The following TOM1L1 variants were observed in gnomAD, a reference collection of about 807,000 sequenced individuals.
The protein encoded by TOM1L1 is target of myb1 like 1 membrane trafficking protein.
In TOM1L1, 64 loss-of-function variants were observed where a neutral mutation model predicts 63.4. That is an observed-to-expected ratio of 1.01 (90% CI 0.83 to 1.24). TOM1L1 has a LOEUF of 1.24. TOM1L1 is among the 50% of genes most tolerant of loss of function. The pLI is 0.00. For missense variants in TOM1L1, 536 were observed against 567.0 expected (o/e 0.95, Z 0.55); for synonymous variants, 166 against 194.4 (o/e 0.85, Z 1.22).
At chr17:54,928,372 A>C (rs2048802760) in intron 7 of TOM1L1, among the ~76,000 whole-genome samples, 1 of 151,924 alleles carries the variant, frequency 6.6e-6, no homozygotes, top group Non-Finnish European at 1.5e-5. Context: ...AAAACCAAAA[A>C]AAAACAAAAC....
chr17:54,922,269 G>T (rs1286077434), intron 7 of TOM1L1, among the ~76,000 whole-genome samples: 1 of 151,610 alleles, frequency 6.6e-6, no homozygotes, highest in Non-Finnish European at 1.5e-5. Context: ...CTCCAGCCTG[G>T]GCAACAGAGC....
intron 3 of TOM1L1, among the ~76,000 whole-genome samples, chr17:54,912,265 A>G (rs2048508729): frequency 6.6e-6 from 1 of 152,194 alleles, no homozygotes; most frequent in African/African-American, 2.4e-5. Flanking sequence ...AAACCAGGAC[A>G]TTTTTGAAAG....
At chr17:54,912,049 T>C (rs1247406576) in intron 3 of TOM1L1, among the ~76,000 whole-genome samples, 2 of 152,218 alleles carry the variant, frequency 1.3e-5, no homozygotes, top group African/African-American at 4.8e-5. Context: ...CTTCATAACT[T>C]ACCCATTTTT....
intron 12 of TOM1L1, among the ~76,000 whole-genome samples, chr17:54,948,842 A>C (rs2049162717): frequency 6.6e-6 from 1 of 152,194 alleles, no homozygotes; most frequent in Non-Finnish European, 1.5e-5. Context: ...TTGTTGTGTC[A>C]CTGAGTGCCT....
chr17:54,950,029 C>CT lies in TOM1L1; in HGVS notation c.1289-9dup, dbSNP rs2049189513. ...AAAAGCACAATATGTTTACTGGTCTCTTTTTTTGCCCAAAGCGATGACAAA... is the reference window on the plus strand; with the variant it reads ...AAAAGCACAATATGTTTACTGGTCTCTTTTTTTTGCCCAAAGCGATGACAAA... On this transcript the variant is annotated splice_polypyrimidine_tract_variant and intron_variant, in intron 13 of 15. Transcript: ENST00000575882. 10 of 1,604,238 alleles carry CT rather than the reference C, an allele frequency of 6.2e-6. No homozygotes were observed. The highest frequency in any genetic ancestry group is 1.7e-5 in the Admixed American group (1 of 59,386).
intron 3 of TOM1L1, among the ~76,000 whole-genome samples, chr17:54,906,161 C>T (rs981035189): frequency 2.0e-5 from 3 of 151,410 alleles, no homozygotes; most frequent in South Asian, 2.1e-4. Context: ...TAAAGAGAAA[C>T]CTCAACTCTT....
At position 54,961,521 on chromosome 17, in the gene TOM1L1, T is replaced by G; in HGVS notation, c.*288T>G. The G allele has an allele frequency of 1.4e-6, 2 of 1,404,338 alleles. No individual in the cohort carries two copies. The highest frequency in any genetic ancestry group is 5.3e-4 in the Middle Eastern group (2 of 3,780). The allele number at this position is 1,404,338 out of a possible 1,614,324, so 87.0% of individuals were successfully genotyped here. A position where few individuals can be genotyped will look rare whatever the true frequency, so the allele number is the denominator to read the frequency against. On this transcript the variant is annotated 3_prime_UTR_variant, in exon 16 of 16. Coordinates refer to ENST00000575882, the MANE Select transcript of TOM1L1 (RefSeq NM_005486.3). The stretch of plus-strand genomic sequence containing the variant: ...TAGGCCAACCAATTTAACTGCAGTG[T>G]CATGTTTCACAGGCCTTCCTACATT...
intron 7 of TOM1L1, among the ~76,000 whole-genome samples, chr17:54,918,954 C>A (rs1416473619): frequency 1.3e-5 from 2 of 152,098 alleles, no homozygotes; most frequent in Non-Finnish European, 2.9e-5. Context: ...TATTTTGGAT[C>A]CGTGGCTTTA....
intron 2 of TOM1L1, 77 bp from the exon 3 acceptor site, chr17:54,905,412 T>C: frequency 1.0e-6 from 1 of 963,774 alleles, no homozygotes; most frequent in South Asian, 1.4e-5. Flanking sequence ...TCTCTCCAAA[T>C]GCATGTTGCT....
chr17:54,950,807 AT>A (rs1293050585), intron 14 of TOM1L1, among the ~76,000 whole-genome samples: 1 of 152,236 alleles, frequency 6.6e-6, no homozygotes, highest in African/African-American at 2.4e-5. Context: ...TAAAATGTGC[AT>A]TTAAAAAATT....
chr17:54,957,304 C>CT (rs975090693), intron 14 of TOM1L1: 1 of 152,196 alleles, frequency 6.6e-6, no homozygotes, highest in Admixed American at 6.5e-5. Context: ...TTTTTCCTAA[C>CT]TCAGGTTTGA....
Position 54,950,063 on chromosome 17 carries a change from T to C in TOM1L1, c.1307T>C (p.Leu436Pro). 1 of 1,613,984 alleles carries C rather than the reference T, an allele frequency of 6.2e-7. No homozygotes were observed. The highest frequency in any genetic ancestry group is 8.5e-7 in the Non-Finnish European group (1 of 1,179,928). ...SNHPAMTKSD[L>P]QPPNYYEVME... ...CCCAAAGCGATGACAAAAAGTGATC[T>C]CCAGCCACCTAATTACTACGAGGTA... The change falls in exon 14 of 16, where the codon CTC becomes CCC. Residue 436 changes from leucine to proline, a missense_variant. Physicochemically the swap from Leu to Pro is moderately conservative, Grantham distance 98. Coordinates refer to ENST00000575882, the MANE Select transcript of TOM1L1 (RefSeq NM_005486.3).
At position 54,903,639 on chromosome 17, in the gene TOM1L1, G is replaced by C. The variant is rs79437959; in HGVS notation, c.59-69G>C. On this transcript the variant is annotated intron_variant, in intron 1 of 15. Transcript: ENST00000575882. ...GACACTTGCTGGTGCAGCCTAGGCA[G>C]ATTATTTCAGGAATACCAGACATTT... 8.0e-3 allele frequency: 11,186 copies of C among 1,399,064 alleles called. 722 individuals carry two copies. In the African/African-American group the frequency reaches 0.14, roughly 17 times the overall value. The allele number at this position is 1,399,064 out of a possible 1,614,324, so 86.7% of individuals were successfully genotyped here.
chr17:54,903,186 TC>T (rs1486643744), intron 1 of TOM1L1, among the ~76,000 whole-genome samples: 1 of 152,104 alleles, frequency 6.6e-6, no homozygotes, highest in South Asian at 2.1e-4. Context: ...TTTCCTCCTG[TC>T]CCCCCAGAGA....
chr17:54,900,990 A>G (rs2048316436), intron 1 of TOM1L1, 67 bp downstream of exon 1: 2 of 1,604,828 alleles, frequency 1.2e-6, no homozygotes, highest in African/African-American at 1.3e-5. Context: ...TGCTTGATCC[A>G]TTCTCGGCCT....
At chr17:54,931,712 A>G (rs1182918894) in intron 8 of TOM1L1, among the ~76,000 whole-genome samples, 1 of 152,112 alleles carries the variant, frequency 6.6e-6, no homozygotes, top group Non-Finnish European at 1.5e-5. Flanking sequence ...CTGAGGTGGG[A>G]GCATCTCTTG....
chr17:54,910,550 C>T (rs920764481), intron 3 of TOM1L1, among the ~76,000 whole-genome samples: 9 of 152,158 alleles, frequency 5.9e-5, no homozygotes, highest in South Asian at 4.1e-4. Context: ...TTGCGTAAGA[C>T]GGTACAACTA....
chr17:54,915,673 C>A, intron 6 of TOM1L1, 73 bp from the exon 7 acceptor site: 1 of 1,031,112 alleles, frequency 9.7e-7, no homozygotes, highest in South Asian at 2.6e-5. Context: ...CAGCAAATGT[C>A]CCATGGGGGC....
At chr17:54,906,307 A>G (rs2143735322) in intron 3 of TOM1L1, among the ~76,000 whole-genome samples, 1 of 152,238 alleles carries the variant, frequency 6.6e-6, no homozygotes. Flanking sequence ...CGTCTCTACT[A>G]AAAATACAAA....
Sources: allele counts gnomAD v4.1 joint callset (sites outside exome capture counted in the v4.1 genomes callset), GRCh38; gene constraint gnomAD v4.1.1; transcripts MANE v1.5; gene names NCBI Gene and HGNC (gene_info 2026-07-23, HGNC 2026-07-21).